Variants in ZDHHC11B observed in about 807,000 individuals in gnomAD.
ZDHHC11B encodes the protein zDHHC palmitoyltransferase 11B (putative).
In ZDHHC11B, 17 loss-of-function variants were observed where a neutral mutation model predicts 42.3. The observed-to-expected ratio is 0.40, with a 90% CI of 0.27 to 0.60. ZDHHC11B has a LOEUF of 0.60. Among genes scored for constraint, ZDHHC11B ranks in the 20% least tolerant of loss-of-function variants. The pLI is 0.41. For synonymous variants in ZDHHC11B, 123 were observed against 193.5 expected, an observed-to-expected ratio of 0.64 and a Z score of 3.02; for missense variants, 262 against 463.2, an observed-to-expected ratio of 0.57 and a Z score of 3.99.
At chr5:761,002 C>T (rs1413898168) in intron 4 of ZDHHC11B, among the ~76,000 whole-genome samples, 1 of 151,838 alleles carries the variant, frequency 6.6e-6, no homozygotes, top group Non-Finnish European at 1.5e-5. Flanking sequence ...AAGGAGATAC[C>T]AGCAGCTGCC....
At chr5:762,220 C>T (rs1734723062) in intron 4 of ZDHHC11B, among the ~76,000 whole-genome samples, 1 of 151,550 alleles carries the variant, frequency 6.6e-6, no homozygotes, top group African/African-American at 2.4e-5. Context: ...CGGCCAGCCA[C>T]TCACAGCCCA....
At position 777,175 on chromosome 5, in the gene ZDHHC11B, G is replaced by A. The variant is rs527414508; in HGVS notation, c.-230+7493C>T. On this transcript the variant is annotated intron_variant, in intron 1 of 13. Coordinates refer to ENST00000508859, the MANE Select transcript of ZDHHC11B (RefSeq NM_001351303.2). ...GATGCGTCTGGAGTTTCTTCCTTCT[G>A]GTGGGTTCGTGGTCTCGCTGACTTT... Among the ~76,000 whole-genome samples, 84 of 152,008 alleles carry A rather than the reference G, an allele frequency of 5.5e-4. 4 individuals carry two copies. Among genetic ancestry groups the A allele is most frequent in the South Asian group, 5.0e-3 (24 of 4,804 alleles).
chr5:759,650 G>A (rs1415587217), intron 4 of ZDHHC11B, among the ~76,000 whole-genome samples: 1 of 151,944 alleles, frequency 6.6e-6, no homozygotes, highest in African/African-American at 2.4e-5. Context: ...ACTGAGGCAT[G>A]CTCTGGAAGG....
At chr5:713,785 C>T (rs1166504858) in intron 13 of ZDHHC11B, among the ~76,000 whole-genome samples, 22 of 152,040 alleles carry the variant, frequency 1.4e-4, no homozygotes, top group East Asian at 3.9e-4. Flanking sequence ...GATTCCTTTG[C>T]GGGTAGAGAA....
intron 1 of ZDHHC11B, among the ~76,000 whole-genome samples, chr5:769,561 A>G (rs1213104515): frequency 1.3e-5 from 2 of 151,924 alleles, no homozygotes; most frequent in Admixed American, 6.6e-5. Flanking sequence ...CGAGGGAAGC[A>G]GGAATCTAGA....
In ZDHHC11B at chr5:766,314, G is replaced by C. The variant is rs1413159955; in HGVS notation, c.222+384C>G. On this transcript the variant is annotated intron_variant, in intron 4 of 13. Transcript: ENST00000508859. The stretch of plus-strand genomic sequence containing the variant: ...AGCAGACCCGGGACCCCTGCCGCTG[G>C]AAGATGGGAGCAGAACCAGGTCCCC... 4.0e-5 allele frequency among the ~76,000 whole-genome samples: 6 copies of C among 151,892 alleles called. 1 individual carries two copies. Among genetic ancestry groups the C allele is most frequent in the Non-Finnish European group, 8.8e-5 (6 of 67,922 alleles).
intron 4 of ZDHHC11B, among the ~76,000 whole-genome samples, chr5:758,881 C>T (rs754108591): frequency 7.2e-5 from 11 of 151,894 alleles, no homozygotes; most frequent in African/African-American, 9.7e-5. Flanking sequence ...CCCATAGGAA[C>T]GATGCTGGTG....
chr5:752,122 AT>A (rs1745856870), intron 6 of ZDHHC11B, among the ~76,000 whole-genome samples: 1 of 121,530 alleles, frequency 8.2e-6, no homozygotes, highest in African/African-American at 2.6e-5. Context: ...TGGGGTCTCC[AT>A]GGCACCATGC....
chr5:756,295 C>G (rs1441407554), intron 4 of ZDHHC11B, among the ~76,000 whole-genome samples, 151 bp from the exon 5 acceptor site: 1 of 151,606 alleles, frequency 6.6e-6, no homozygotes, highest in Non-Finnish European at 1.5e-5. Flanking sequence ...CAGGCCTGGC[C>G]CTGCTCACAT....
chr5:751,808 C>A (rs1307931574), intron 6 of ZDHHC11B, among the ~76,000 whole-genome samples: 1 of 123,330 alleles, frequency 8.1e-6, no homozygotes, highest in African/African-American at 2.6e-5. Context: ...CCCACCAGCA[C>A]ACCGCCTGAC....
chr5:778,596 G>A (rs1484013922), intron 1 of ZDHHC11B, among the ~76,000 whole-genome samples: 2 of 152,002 alleles, frequency 1.3e-5, no homozygotes, highest in Non-Finnish European at 2.9e-5. Flanking sequence ...TTGGGGCTCA[G>A]GGTCCAGGGC....
At chr5:745,707 G>A (rs1217603732) in intron 8 of ZDHHC11B, among the ~76,000 whole-genome samples, 33 of 150,178 alleles carry the variant, frequency 2.2e-4, no homozygotes, top group African/African-American at 4.9e-4. Flanking sequence ...AGGAGGGGCC[G>A]CTCTGTCTGA....
intron 1 of ZDHHC11B, among the ~76,000 whole-genome samples, chr5:772,822 A>AG (rs1319260249): frequency 2.6e-5 from 4 of 151,746 alleles, no homozygotes; most frequent in Non-Finnish European, 4.4e-5. Context: ...GTGTGTGCTG[A>AG]GGGGTCTCAC....
At chr5:758,798 A>C (rs1212580411) in intron 4 of ZDHHC11B, among the ~76,000 whole-genome samples, 1 of 151,902 alleles carries the variant, frequency 6.6e-6, no homozygotes, top group Non-Finnish European at 1.5e-5. Flanking sequence ...CCTGCTGTCC[A>C]TTGGCCGCAC....
At position 717,908 on chromosome 5, in the gene ZDHHC11B, T is replaced by C. The variant is rs543363218; in HGVS notation, c.1059-1043A>G. Among the ~76,000 whole-genome samples, 146 of 151,702 alleles carry C rather than the reference T, an allele frequency of 9.6e-4. 4 individuals carry two copies. The highest frequency in any genetic ancestry group is 3.3e-3 in the African/African-American group (134 of 41,224). ...TGCTGCTGCAAAACTTCCCAAACTATAGGCAACAATGGGAGGGTCTGCCAC... is the reference window on the plus strand; with the variant it reads ...TGCTGCTGCAAAACTTCCCAAACTACAGGCAACAATGGGAGGGTCTGCCAC... On this transcript the variant is annotated intron_variant, in intron 12 of 13. Coordinates refer to ENST00000508859, the MANE Select transcript of ZDHHC11B (RefSeq NM_001351303.2).
rs1386271440 is a variant in ZDHHC11B, at chr5:733,135, C to T, written c.1023+617G>A. On this transcript the variant is annotated intron_variant, in intron 11 of 13. Transcript: ENST00000508859. Reference sequence around the variant, plus strand: ...GAACAGAAATATGTGGCCCTAAAGCCGGCAGCCGCGCTGGTCTTTTCCTGT... The same window carrying T: ...GAACAGAAATATGTGGCCCTAAAGCTGGCAGCCGCGCTGGTCTTTTCCTGT... 3.7e-4 allele frequency among the ~76,000 whole-genome samples: 56 copies of T among 150,990 alleles called. 1 individual carries two copies. Among genetic ancestry groups the T allele is most frequent in the African/African-American group, 1.3e-3 (54 of 40,952 alleles).
intron 2 of ZDHHC11B, among the ~76,000 whole-genome samples, chr5:767,825 CGTCT>C (rs1735670845): frequency 2.8e-5 from 1 of 36,014 alleles, no homozygotes; most frequent in African/African-American, 8.6e-5. Context: ...CAGAGCGCAC[CGTCT>C]GTCACTGTGG....
At chr5:766,986 A>G in intron 3 of ZDHHC11B, 67 bp from the exon 4 acceptor site, 1 of 1,549,564 alleles carries the variant, frequency 6.5e-7, no homozygotes, top group Non-Finnish European at 8.8e-7. Flanking sequence ...ACCCACTGTC[A>G]GGGAGACCAC....
chr5:714,493 A>ATTTT lies in ZDHHC11B; in HGVS notation c.*8-2215_*8-2212dup, dbSNP rs58853046. On this transcript the variant is annotated intron_variant, in intron 13 of 13. Coordinates refer to ENST00000508859, the MANE Select transcript of ZDHHC11B (RefSeq NM_001351303.2). The stretch of plus-strand genomic sequence containing the variant: ...GCTGTTTAAAACCTTAGTGGTGAAT[A>ATTTT]TTTTTTTTTTTGAATGAGGCTAATT... 1.9e-3 allele frequency among the ~76,000 whole-genome samples: 206 copies of ATTTT among 109,216 alleles called. 1 individual carries two copies. The highest frequency in any genetic ancestry group is 4.4e-3 in the East Asian group (18 of 4,128). The allele number at this position is 109,216 out of a possible 152,430, so 71.6% of individuals were successfully genotyped here. A position where few individuals can be genotyped will look rare whatever the true frequency, so the allele number is the denominator to read the frequency against.
Sources: allele counts gnomAD v4.1 joint callset (sites outside exome capture counted in the v4.1 genomes callset), GRCh38; gene constraint gnomAD v4.1.1; transcripts MANE v1.5; gene names NCBI Gene and HGNC (gene_info 2026-07-23, HGNC 2026-07-21).